The following MOCS1 variants were observed in gnomAD, a reference collection of about 807,000 sequenced individuals.
MOCS1 encodes molybdenum cofactor synthesis 1.
Under a neutral mutation model 57.6 loss-of-function variants are expected in MOCS1, and 39 were observed. The ratio of observed to expected loss-of-function variants is 0.68; its 90% CI spans 0.52 to 0.88. The LOEUF (loss-of-function observed/expected upper bound fraction) is 0.88, where lower values mean the gene tolerates loss of function less well. Among genes scored for constraint, MOCS1 ranks in the 40% least tolerant of loss-of-function variants. The pLI, the probability that MOCS1 is intolerant of heterozygous loss-of-function variation, is 0.00. For synonymous variants in MOCS1, 334 were observed against 335.7 expected, an observed-to-expected ratio of 1.00 and a Z score of 0.05; for missense variants, 795 against 831.1, an observed-to-expected ratio of 0.96 and a Z score of 0.53.
chr6:39,905,655 G>A lies in MOCS1; in HGVS notation c.*702C>T, dbSNP rs747822044. 1 of 471,108 alleles carries A rather than the reference G, an allele frequency of 2.1e-6. No individual in the cohort carries two copies. Among genetic ancestry groups the A allele is most frequent in the African/African-American group, 2.0e-5 (1 of 50,086 alleles). The allele number at this position is 471,108 out of a possible 1,614,324, so 29.2% of individuals were successfully genotyped here. On this transcript the variant is annotated 3_prime_UTR_variant, in exon 11 of 11. Transcript: ENST00000340692. Reference sequence around the variant, plus strand: ...CAGCCGTGAACAGGGCCAGGTGTGGGCTGTGTGGTCTGGCAGGAGTCCTTA... The same window carrying A: ...CAGCCGTGAACAGGGCCAGGTGTGGACTGTGTGGTCTGGCAGGAGTCCTTA...
At chr6:39,927,220 T>G in intron 2 of MOCS1, 109 bp downstream of exon 2, 1 of 1,417,848 alleles carries the variant, frequency 7.1e-7, no homozygotes. Context: ...GTGAAGAAGT[T>G]AGAAAGCAGA....
chr6:39,905,281 G>A lies in MOCS1; in HGVS notation c.*1076C>T, dbSNP rs1562078628. ...AAGCAATGAGCTTTGAACACCCCTG[G>A]CCACCACCTGACAAAAGATTTCCCT... is the stretch of plus-strand genomic sequence containing the variant. On this transcript the variant is annotated 3_prime_UTR_variant, in exon 11 of 11. Coordinates refer to ENST00000340692, the MANE Select transcript of MOCS1 (RefSeq NM_001358530.2). 1 of 454,592 alleles carries A rather than the reference G, an allele frequency of 2.2e-6. No individual in the cohort carries two copies. Among genetic ancestry groups the A allele is most frequent in the Non-Finnish European group, 4.4e-6 (1 of 226,932 alleles). The allele number at this position is 454,592 out of a possible 1,614,324, so 28.2% of individuals were successfully genotyped here.
chr6:39,923,152 C>T (rs556363409), intron 3 of MOCS1, among the ~76,000 whole-genome samples: 2 of 152,344 alleles, frequency 1.3e-5, no homozygotes, highest in African/African-American at 4.8e-5. Context: ...GGTAAATCCT[C>T]AGAAGCAGGT....
In MOCS1 at chr6:39,906,913, C is replaced by A. The variant is rs11969206; in HGVS notation, c.1355G>T (p.Arg452Leu). ...CTTTGAGTTGGCATCTGAGTCTGCACGGGAAGTGTAGTGTCTCTGAAAGGA... is the reference window on the plus strand; with the variant it reads ...CTTTGAGTTGGCATCTGAGTCTGCAAGGGAAGTGTAGTGTCTCTGAAAGGA... ...SGSFQRHYTS[R>L]ADSDANSKCL... is the part of the protein sequence containing the mutation. The change falls in exon 11 of 11, where the codon CGT becomes CTT. Residue 452 changes from arginine to leucine, a missense_variant. Physicochemically the swap from Arg to Leu is moderately radical, Grantham distance 102 (BLOSUM62 -2). Transcript: ENST00000340692. 31,506 of 1,614,080 alleles carry A rather than the reference C, an allele frequency of 0.02. 624 individuals are homozygous for A. Among genetic ancestry groups the A allele is most frequent in the African/African-American group, 0.09 (6,724 of 75,004 alleles).
intron 3 of MOCS1, among the ~76,000 whole-genome samples, chr6:39,923,210 C>T (rs745365207): frequency 5.3e-5 from 8 of 152,172 alleles, no homozygotes; most frequent in Non-Finnish European, 8.8e-5. Context: ...TGGCGATCAC[C>T]CCTTGCCCAT....
At chr6:39,914,994 T>C (rs1196655152) in intron 4 of MOCS1, among the ~76,000 whole-genome samples, 1 of 152,122 alleles carries the variant, frequency 6.6e-6, no homozygotes, top group Admixed American at 6.6e-5. Flanking sequence ...GTGCCATTGA[T>C]TGAAACCCTC....
chr6:39,916,877 G>T (rs573813729), intron 3 of MOCS1, among the ~76,000 whole-genome samples: 1 of 152,294 alleles, frequency 6.6e-6, no homozygotes, highest in East Asian at 1.9e-4. Context: ...CCAGGAGAAG[G>T]TTCTGTAAAA....
intron 7 of MOCS1, 52 bp from the exon 8 acceptor site, chr6:39,912,426 A>T: frequency 7.7e-7 from 1 of 1,306,686 alleles, no homozygotes; most frequent in Non-Finnish European, 1.1e-6. Context: ...TGGGCTACTG[A>T]GCCCAGTTTC....
At chr6:39,929,386 T>C (rs1768525567) in intron 1 of MOCS1, among the ~76,000 whole-genome samples, 1 of 152,110 alleles carries the variant, frequency 6.6e-6, no homozygotes. Flanking sequence ...CCAGATGAGA[T>C]ACCTGGGAAT....
At chr6:39,917,702 C>T (rs1039944846) in intron 3 of MOCS1, among the ~76,000 whole-genome samples, 2 of 152,110 alleles carry the variant, frequency 1.3e-5, no homozygotes, top group Non-Finnish European at 2.9e-5. Context: ...GGAGAAGGAA[C>T]AGTGATAACA....
At chr6:39,920,278 AG>A (rs1205790866) in intron 3 of MOCS1, among the ~76,000 whole-genome samples, 1 of 152,162 alleles carries the variant, frequency 6.6e-6, no homozygotes, top group Admixed American at 6.5e-5. Flanking sequence ...AATAATACTG[AG>A]TGTTGGGAGG....
intron 3 of MOCS1, 81 bp downstream of exon 3, chr6:39,925,597 T>C: frequency 1.6e-5 from 24 of 1,522,788 alleles, no homozygotes; most frequent in Non-Finnish European, 2.1e-5. Context: ...GAATGTCAGC[T>C]GCCACTGTTA....
chr6:39,915,832 G>A (rs1287263231), intron 4 of MOCS1, among the ~76,000 whole-genome samples: 2 of 152,032 alleles, frequency 1.3e-5, no homozygotes, highest in African/African-American at 4.8e-5. Flanking sequence ...TCAAGTCCTG[G>A]GCAAACTGGG....
Position 39,909,894 on chromosome 6 carries a change from T to G in MOCS1, c.1043A>C (p.Glu348Ala), listed in dbSNP as rs765688575. ...LRDHLRAGAS[E>A]QELLRIIGAA... ...CCCAATGATTCTCAGCAGCTCCTGC[T>G]CAGAGGCCCCAGCTCGCAGGTGATC... The change falls in exon 9 of 11, where the codon GAG (glutamate) becomes GCG (alanine). Residue 348 changes from glutamate (E) to alanine (A), a missense_variant. By Grantham distance (107) the Glu-to-Ala change is moderately radical (BLOSUM62 -1). Around this residue, in one of 3 missense-constraint regions of MOCS1, gnomAD observed 374 missense variants for 422.6 expected, o/e 0.89. Coordinates refer to ENST00000340692, the MANE Select transcript of MOCS1 (RefSeq NM_001358530.2). 1 of 1,613,930 alleles carries G rather than the reference T, an allele frequency of 6.2e-7. No homozygotes were observed. Among genetic ancestry groups the G allele is most frequent in the Admixed American group, 1.7e-5 (1 of 60,024 alleles).
chr6:39,908,980 C>A, intron 10 of MOCS1, 75 bp downstream of exon 10: 1 of 1,249,084 alleles, frequency 8.0e-7, no homozygotes, highest in Non-Finnish European at 1.2e-6. Flanking sequence ...GCTGGGGGTG[C>A]CTATGGCACG....
intron 1 of MOCS1, among the ~76,000 whole-genome samples, chr6:39,930,767 A>G (rs1768604278): frequency 6.6e-6 from 1 of 152,206 alleles, no homozygotes; most frequent in Non-Finnish European, 1.5e-5. Flanking sequence ...ATTTTAATCC[A>G]GGGCAAGTTG....
chr6:39,906,459 G>A lies in MOCS1; in HGVS notation c.1809C>T (p.Thr603=). 1 of 1,613,736 alleles carries A rather than the reference G, an allele frequency of 6.2e-7. No individual in the cohort carries two copies. Among genetic ancestry groups the A allele is most frequent in the Non-Finnish European group, 8.5e-7 (1 of 1,179,682 alleles). ...TGACAGCCTTGCACATGTCATACAG[G>A]GTGAGGGCGGCCACTGCAGCAGAGG... ...ALTSAAVAAL[T]LYDMCKAVSR... is the part of the protein sequence containing the mutation. The change falls in exon 11 of 11, where the codon ACC becomes ACT. Residue 603 remains threonine (T), a synonymous_variant. Transcript: ENST00000340692.
At chr6:39,921,171 G>A (rs1013046566) in intron 3 of MOCS1, among the ~76,000 whole-genome samples, 14 of 152,190 alleles carry the variant, frequency 9.2e-5, no homozygotes, top group Non-Finnish European at 1.2e-4. Context: ...AGGCCGAGGC[G>A]GGTGGATCAT....
At position 39,906,257 on chromosome 6, in the gene MOCS1, C is replaced by A. The variant is rs569638145; in HGVS notation, c.*100G>T. The A allele has an allele frequency of 2.2e-4, 332 of 1,475,934 alleles. No individual in the cohort carries two copies. In the African/African-American group the frequency reaches 3.7e-3, roughly 16 times the overall value. The allele number at this position is 1,475,934 out of a possible 1,614,324, so 91.4% of individuals were successfully genotyped here. ...CTTCGGGTTTACTGCTCAAGGTAAACAAACAGTGACTGTGATTAAAGGAAC... is the reference window on the plus strand; with the variant it reads ...CTTCGGGTTTACTGCTCAAGGTAAAAAAACAGTGACTGTGATTAAAGGAAC... On this transcript the variant is annotated 3_prime_UTR_variant, in exon 11 of 11. Transcript: ENST00000340692.
Sources: allele counts gnomAD v4.1 joint callset (sites outside exome capture counted in the v4.1 genomes callset), GRCh38; gene constraint gnomAD v4.1.1; regional missense constraint gnomAD v4.1.1; transcripts MANE v1.5; gene names NCBI Gene and HGNC (gene_info 2026-07-23, HGNC 2026-07-21).